Variants in ATP2C1 observed in about 807,000 individuals in gnomAD.
ATP2C1 encodes the protein calcium-transporting ATPase type 2C member 1.
Under a neutral mutation model 120.5 loss-of-function variants are expected in ATP2C1, and 31 were observed. The observed-to-expected ratio is 0.26, with a 90% CI of 0.19 to 0.35. The LOEUF (loss-of-function observed/expected upper bound fraction) is 0.35, where lower values mean the gene tolerates loss of function less well. Ranked by LOEUF, ATP2C1 falls within the 10% of genes least tolerant of loss-of-function variation. The probability of loss-of-function intolerance (pLI) is 1.00; values close to 1 mark genes in which losing one functional copy is unlikely to be tolerated. For synonymous variants in ATP2C1, 351 were observed against 358.7 expected (o/e 0.98, Z 0.24); for missense variants, 731 against 1,107.5 (o/e 0.66, Z 4.83).
chr3:130,855,750 AT>A (rs1392607127), intron 1 of ATP2C1: 1 of 152,222 alleles, frequency 6.6e-6, no homozygotes, highest in Non-Finnish European at 1.5e-5. Flanking sequence ...CAACTTGTCA[AT>A]AACAAATAAG....
At chr3:130,967,954 T>A in intron 16 of ATP2C1, among the ~76,000 whole-genome samples, 1 of 152,174 alleles carries the variant, frequency 6.6e-6, no homozygotes, top group African/African-American at 2.4e-5. Context: ...ATCCCCTAAG[T>A]CCTATATTTG....
intron 2 of ATP2C1, among the ~76,000 whole-genome samples, chr3:130,916,406 A>C (rs2058693348): frequency 6.6e-6 from 1 of 152,134 alleles, no homozygotes; most frequent in African/African-American, 2.4e-5. Flanking sequence ...ACAGAACAAG[A>C]CTCCATCTCA....
At chr3:130,962,459 T>C (rs1476675383) in intron 12 of ATP2C1, among the ~76,000 whole-genome samples, 1 of 151,902 alleles carries the variant, frequency 6.6e-6, no homozygotes, top group African/African-American at 2.4e-5. Flanking sequence ...AAGATAAATA[T>C]GTTCCAAGTT....
chr3:130,852,254 G>A (rs927537), intron 1 of ATP2C1, among the ~76,000 whole-genome samples: 77,748 of 151,998 alleles, frequency 0.51, 21,162 homozygotes, highest in Non-Finnish European at 0.61. Flanking sequence ...TAATGTTCAC[G>A]GGCTTCTTCA....
At chr3:130,945,390 G>A (rs919651666) in intron 8 of ATP2C1, among the ~76,000 whole-genome samples, 1 of 151,308 alleles carries the variant, frequency 6.6e-6, no homozygotes, top group Non-Finnish European at 1.5e-5. Flanking sequence ...ATTATACTTT[G>A]TTTTAGGGTA....
intron 7 of ATP2C1, among the ~76,000 whole-genome samples, chr3:130,941,223 AGTGT>A (rs71774561): frequency 0.013 from 1,897 of 144,374 alleles, 19 homozygotes; most frequent in African/African-American, 0.028. Flanking sequence ...TGTATTTAAC[AGTGT>A]GTGTGTGTGT....
At chr3:130,856,862 C>T (rs1197813999) in intron 1 of ATP2C1, among the ~76,000 whole-genome samples, 1 of 152,172 alleles carries the variant, frequency 6.6e-6, no homozygotes, top group African/African-American at 2.4e-5. Context: ...CTCATTTATA[C>T]CTAGTGTTCC....
At chr3:130,853,522 T>G (rs141170476) in intron 1 of ATP2C1, among the ~76,000 whole-genome samples, 5 of 152,306 alleles carry the variant, frequency 3.3e-5, no homozygotes, top group African/African-American at 1.2e-4. Context: ...TCTTTACTTT[T>G]GCACATTTAA....
At chr3:130,998,265 A>G in intron 25 of ATP2C1, 29 bp from the exon 26 acceptor site, 1 of 1,471,984 alleles carries the variant, frequency 6.8e-7, no homozygotes, top group Non-Finnish European at 9.5e-7. Context: ...CAGCCACTGA[A>G]AAGTAATTTT....
chr3:130,880,407 G>T (rs987033542), intron 1 of ATP2C1, among the ~76,000 whole-genome samples: 1 of 151,962 alleles, frequency 6.6e-6, no homozygotes. Flanking sequence ...TTTCCAATTC[G>T]CCTAAATATT....
chr3:130,906,127 G>A (rs2058109001), intron 2 of ATP2C1, among the ~76,000 whole-genome samples: 1 of 152,026 alleles, frequency 6.6e-6, no homozygotes, highest in South Asian at 2.1e-4. Flanking sequence ...ATTTTAAAGT[G>A]TATAATTCAG....
At position 130,941,105 on chromosome 3, in the gene ATP2C1, C is replaced by G. The variant is rs182171802; in HGVS notation, c.422+414C>G. ...TATCTTTTGTATTTTTTAGTAGAGACAGGTTTCACCATGTTAGCCAGGATG... is the reference window on the plus strand; with the variant it reads ...TATCTTTTGTATTTTTTAGTAGAGAGAGGTTTCACCATGTTAGCCAGGATG... On this transcript the variant is annotated intron_variant, in intron 7 of 27. Transcript: ENST00000510168. Among the ~76,000 whole-genome samples the G allele has an allele frequency of 6.5e-4, 98 of 151,712 alleles. 1 individual carries two copies. Among genetic ancestry groups the G allele is most frequent in the African/African-American group, 2.3e-3 (94 of 41,404 alleles).
At chr3:130,872,022 CAAA>C (rs11347303) in intron 1 of ATP2C1, among the ~76,000 whole-genome samples, 91 of 117,528 alleles carry the variant, frequency 7.7e-4, no homozygotes, top group Middle Eastern at 4.2e-3. Context: ...AACTCTGTCT[CAAA>C]AAAAAAAAAA....
At chr3:130,982,931 T>G (rs1259991623) in intron 20 of ATP2C1, among the ~76,000 whole-genome samples, 2 of 152,304 alleles carry the variant, frequency 1.3e-5, no homozygotes, top group African/African-American at 4.8e-5. Flanking sequence ...TAAAAAAATG[T>G]GTTTAACAAA....
intron 2 of ATP2C1, among the ~76,000 whole-genome samples, chr3:130,909,788 A>G (rs1478431128): frequency 1.3e-5 from 2 of 152,134 alleles, no homozygotes; most frequent in Non-Finnish European, 2.9e-5. Flanking sequence ...TGTCTGAATT[A>G]TTATTGTAGA....
intron 26 of ATP2C1, chr3:131,016,061 C>G: frequency 1.4e-6 from 2 of 1,408,646 alleles, no homozygotes; most frequent in Non-Finnish European, 1.9e-6. Context: ...TTTTAAGTAA[C>G]TTTGTTGCTT....
chr3:130,912,899 T>C (rs1267892638), intron 2 of ATP2C1, among the ~76,000 whole-genome samples: 5 of 151,932 alleles, frequency 3.3e-5, no homozygotes, highest in South Asian at 2.1e-4. Context: ...GTGGCACATA[T>C]ACACCATGGA....
At chr3:130,884,949 T>C (rs1191771042) in intron 1 of ATP2C1, among the ~76,000 whole-genome samples, 3 of 150,244 alleles carry the variant, frequency 2.0e-5, no homozygotes, top group African/African-American at 7.3e-5. Flanking sequence ...TTTTTTTTTT[T>C]TAAGACGGAG....
At chr3:130,895,255 C>T (rs2069502793) in intron 2 of ATP2C1, among the ~76,000 whole-genome samples, 1 of 152,006 alleles carries the variant, frequency 6.6e-6, no homozygotes, top group Admixed American at 6.6e-5. Context: ...CATTATTTTT[C>T]AATTCACAAA....
Sources: gnomAD v4.1 joint callset for allele counts (sites outside exome capture counted in the v4.1 genomes callset) on GRCh38, gnomAD v4.1.1 for gene constraint, MANE v1.5 for transcripts, NCBI Gene and HGNC (gene_info 2026-07-23, HGNC 2026-07-21) for gene names.